The following LRRC34 variants were observed in gnomAD, a reference collection of about 807,000 sequenced individuals.
LRRC34 encodes leucine-rich repeat-containing protein 34.
In LRRC34, 44 loss-of-function variants were observed where a neutral mutation model predicts 48.5. That is an observed-to-expected ratio of 0.91 (90% CI 0.71 to 1.17). The LOEUF (loss-of-function observed/expected upper bound fraction) is 1.17, where lower values mean the gene tolerates loss of function less well. Among genes scored for constraint, LRRC34 ranks in the 50% most tolerant of loss-of-function variants. The pLI is 0.00. For synonymous variants in LRRC34, 192 were observed against 197.6 expected, an observed-to-expected ratio of 0.97 and a Z score of 0.24; for missense variants, 502 against 563.0, an observed-to-expected ratio of 0.89 and a Z score of 1.10.
chr3:169,797,484 A>G (rs763285143), intron 7 of LRRC34, among the ~76,000 whole-genome samples: 4 of 152,268 alleles, frequency 2.6e-5, no homozygotes, highest in East Asian at 3.9e-4. Context: ...AAGTTCCACA[A>G]TCTAGCTACT....
At chr3:169,796,446 T>TTACTA in intron 8 of LRRC34, 77 bp from the exon 9 acceptor site, 1 of 1,450,980 alleles carries the variant, frequency 6.9e-7, no homozygotes, top group Non-Finnish European at 9.3e-7. Flanking sequence ...CTTGAAAACT[T>TTACTA]AAACAGTACT....
Position 169,793,344 on chromosome 3 carries a change from GC to G in LRRC34, c.*290del, listed in dbSNP as rs1334381099. 6 of 229,376 alleles carry G rather than the reference GC, an allele frequency of 2.6e-5. No individual in the cohort carries two copies. In the East Asian group the frequency reaches 5.9e-4, roughly 22 times the overall value. 14.2% of individuals were successfully genotyped at this position (229,376 alleles called of 1,614,324 possible). ...TACCTACAATGACCTTTACTTGTAC[GC>G]TATTTCACTACTTGGTTATATTTTC... On this transcript the variant is annotated 3_prime_UTR_variant, in exon 11 of 11. Transcript: ENST00000446859.
intron 7 of LRRC34, chr3:169,797,109 C>G (rs1779020864): frequency 6.0e-6 from 2 of 335,986 alleles, no homozygotes; most frequent in African/African-American, 2.1e-5. Context: ...AAAATATAGT[C>G]ACTATATTTT....
Position 169,793,230 on chromosome 3 carries a change from A to C in LRRC34, c.*405T>G, listed in dbSNP as rs185965193. On this transcript the variant is annotated 3_prime_UTR_variant, in exon 11 of 11. Transcript: ENST00000446859. ...ATAGGATAGGTAGAATACTTTTTCA[A>C]CTTCTGAACTTTGAAACCCTTTGAA... Among the ~76,000 whole-genome samples, 2 of 152,222 alleles carry C rather than the reference A, an allele frequency of 1.3e-5. No individual in the cohort carries two copies. The highest frequency in any genetic ancestry group is 2.9e-5 in the Non-Finnish European group (2 of 68,030).
chr3:169,804,127 C>T lies in LRRC34; in HGVS notation c.583G>A (p.Gly195Ser), dbSNP rs776557418. ...AGCATTGCAGCAAAAAACATTCCAC[C>T]TTTATTTTCAATTTTGTTTCCAGTC... ...RMTGNKIENK[G>S]GMFFAAMLQI... is the part of the protein sequence containing the mutation. Residue 195 changes from glycine to serine, a missense_variant, in exon 6 of 11, where the codon GGT becomes AGT. Physicochemically the swap from Gly to Ser is moderately conservative, Grantham distance 56. Transcript: ENST00000446859. 6.9e-6 allele frequency: 11 copies of T among 1,605,786 alleles called. No individual in the cohort carries two copies. Among genetic ancestry groups the T allele is most frequent in the Non-Finnish European group, 9.4e-6 (11 of 1,175,822 alleles).
chr3:169,794,258 A>G (rs1478290243), intron 10 of LRRC34: 1 of 159,202 alleles, frequency 6.3e-6, no homozygotes, highest in African/African-American at 2.4e-5. Context: ...CTAGTTACCC[A>G]TTCCTCAGAA....
At chr3:169,801,991 G>A (rs896618981) in intron 6 of LRRC34, among the ~76,000 whole-genome samples, 2 of 151,862 alleles carry the variant, frequency 1.3e-5, no homozygotes, top group African/African-American at 2.4e-5. Flanking sequence ...TTGTAGAGAC[G>A]GTATTTTCCC....
At chr3:169,800,850 T>A in intron 6 of LRRC34, 96 bp from the exon 7 acceptor site, 2 of 806,988 alleles carry the variant, frequency 2.5e-6, no homozygotes, top group East Asian at 5.4e-5. Context: ...TCTGATAAAA[T>A]TGTTTTTAAA....
chr3:169,807,936 GCT>G (rs1311906019), intron 2 of LRRC34: 6 of 489,812 alleles, frequency 1.2e-5, no homozygotes, highest in Middle Eastern at 5.4e-4. Context: ...CATATATTTA[GCT>G]CTCTCACACA....
At chr3:169,800,875 TG>T (rs1779165401) in intron 6 of LRRC34, 121 bp from the exon 7 acceptor site, 1 of 665,808 alleles carries the variant, frequency 1.5e-6, no homozygotes, top group Non-Finnish European at 2.5e-6. Context: ...AAGCATTCCT[TG>T]GACTTTGAAT....
At chr3:169,798,607 A>G (rs1011760593) in intron 7 of LRRC34, among the ~76,000 whole-genome samples, 1 of 152,186 alleles carries the variant, frequency 6.6e-6, no homozygotes, top group South Asian at 2.1e-4. Flanking sequence ...GCTGAGAGCA[A>G]CAAGGGGGCC....
intron 6 of LRRC34, among the ~76,000 whole-genome samples, chr3:169,803,618 G>C (rs1779269606): frequency 6.6e-6 from 1 of 152,130 alleles, no homozygotes; most frequent in Non-Finnish European, 1.5e-5. Flanking sequence ...TTTTAGTAGA[G>C]ACGGGGTTTC....
chr3:169,801,815 T>C (rs1180347648), intron 6 of LRRC34, among the ~76,000 whole-genome samples: 1 of 151,940 alleles, frequency 6.6e-6, no homozygotes, highest in Non-Finnish European at 1.5e-5. Context: ...TTTTTGTTTT[T>C]ATTTATTTAT....
rs1779294184 is a variant in LRRC34 at position 169,804,198 on chromosome 3, A to G, written c.529-17T>C. The G allele has an allele frequency of 6.4e-7, 1 of 1,553,264 alleles. No individual in the cohort carries two copies. Among genetic ancestry groups the G allele is most frequent in the South Asian group, 1.2e-5 (1 of 82,272 alleles). On this transcript the variant is annotated splice_polypyrimidine_tract_variant and intron_variant, in intron 5 of 10. Coordinates refer to ENST00000446859, the MANE Select transcript of LRRC34 (RefSeq NM_001172779.2). ...CCGATTCTTCTGAAAAGGAAAAAAA[A>G]CTTATTTAATAATTGTTAATCCACA...
chr3:169,795,792 G>T, intron 9 of LRRC34, 181 bp from the exon 10 acceptor site: 4 of 1,289,724 alleles, frequency 3.1e-6, no homozygotes, highest in Non-Finnish European at 3.9e-6. Flanking sequence ...AAGGTACTTA[G>T]TAGAGCTAAC....
Position 169,800,656 on chromosome 3 carries a change from T to G in LRRC34, c.753+3A>C. 1 of 1,513,500 alleles carries G rather than the reference T, an allele frequency of 6.6e-7. No individual in the cohort carries two copies. The highest frequency in any genetic ancestry group is 8.9e-7 in the Non-Finnish European group (1 of 1,129,254). 93.8% of individuals were successfully genotyped at this position (1,513,500 alleles called of 1,614,324 possible). On this transcript the variant is annotated splice_donor_region_variant and intron_variant, in intron 7 of 10. Coordinates refer to ENST00000446859, the MANE Select transcript of LRRC34 (RefSeq NM_001172779.2). ...ATTAACTACCATCACTTTGAATACA[T>G]ACCTGTTCACTGTACAGTATAGGTC...
At chr3:169,795,340 G>A (rs1778948655) in intron 10 of LRRC34, 145 bp downstream of exon 10, 5 of 747,492 alleles carry the variant, frequency 6.7e-6, no homozygotes, top group Middle Eastern at 4.3e-4. Context: ...AAACTCTCTA[G>A]TAGTTAATTT....
intron 6 of LRRC34, among the ~76,000 whole-genome samples, chr3:169,801,860 T>G (rs1311138374): frequency 6.6e-5 from 10 of 152,244 alleles, no homozygotes. Flanking sequence ...TCGCCCAGGC[T>G]GGAGTGCAGT....
At position 169,812,294 on chromosome 3, in the gene LRRC34, C is replaced by T. The variant is rs1779613753; in HGVS notation, c.139+116G>A. 4 of 1,340,792 alleles carry T rather than the reference C, an allele frequency of 3.0e-6. No homozygotes were observed. Among genetic ancestry groups the T allele is most frequent in the Non-Finnish European group, 3.9e-6 (4 of 1,030,418 alleles). 83.1% of individuals were successfully genotyped at this position (1,340,792 alleles called of 1,614,324 possible). ...AGCTGGGGTTCCCAGGGGCCCCCCT[C>T]CCGCCTCGACGCCTTGGGCTGGCGG... On this transcript the variant is annotated intron_variant, in intron 1 of 10. Coordinates refer to ENST00000446859, the MANE Select transcript of LRRC34 (RefSeq NM_001172779.2). The surrounding 1 kb of genome is among the most constrained non-coding windows in gnomAD (Gnocchi z 4.3).
Sources: allele counts gnomAD v4.1 joint callset (sites outside exome capture counted in the v4.1 genomes callset), GRCh38; gene constraint gnomAD v4.1.1; non-coding constraint Gnocchi (gnomAD v3.1); transcripts MANE v1.5; gene names NCBI Gene and HGNC (gene_info 2026-07-23, HGNC 2026-07-21).